DIAPH3: variants seen among roughly 807,000 people sequenced by gnomAD.
DIAPH3 encodes the protein diaphanous related formin 3, also known as protein diaphanous homolog 3.
DIAPH3 carries 117 observed loss-of-function variants against 144.3 expected under a neutral mutation model. The observed-to-expected ratio is 0.81, with a 90% CI of 0.70 to 0.95. The LOEUF (loss-of-function observed/expected upper bound fraction) is 0.95, where lower values mean the gene tolerates loss of function less well. Ranked by LOEUF, DIAPH3 falls within the 40% of genes least tolerant of loss-of-function variation. The pLI is 0.00. For missense variants in DIAPH3, 1,421 were observed against 1,412.7 expected, an observed-to-expected ratio of 1.01 and a Z score of -0.09; for synonymous variants, 519 against 488.9, an observed-to-expected ratio of 1.06 and a Z score of -0.81.
rs1162308071 is a variant in DIAPH3 at position 60,052,735 on chromosome 13, C to A, written c.496-9915G>T. Among the ~76,000 whole-genome samples the A allele has an allele frequency of 3.3e-5, 5 of 151,556 alleles. No individual in the cohort carries two copies. In the East Asian group the frequency reaches 5.8e-4, roughly 18 times the overall value. ...AAAATAAGAAAAGAGCAAAGGCGGG[C>A]GGATCACCTGAGGTCAGGAGTTCAA... is the stretch of plus-strand genomic sequence containing the variant. On this transcript the variant is annotated intron_variant, in intron 4 of 27. Coordinates refer to ENST00000400324, the MANE Select transcript of DIAPH3 (RefSeq NM_001042517.2).
chr13:60,095,824 C>CT (rs1223196480), intron 3 of DIAPH3, among the ~76,000 whole-genome samples: 1 of 152,052 alleles, frequency 6.6e-6, no homozygotes, highest in Non-Finnish European at 1.5e-5. Flanking sequence ...TTACACTCTG[C>CT]TTTTTTTAAG....
intron 27 of DIAPH3, among the ~76,000 whole-genome samples, chr13:59,718,363 A>G (rs898933719): frequency 3.9e-5 from 6 of 152,234 alleles, no homozygotes; most frequent in Non-Finnish European, 7.3e-5. Flanking sequence ...TAGCTCAGAA[A>G]GAAAATCAGA....
chr13:59,861,683 A>T (rs1202854432), intron 21 of DIAPH3, 147 bp from the exon 22 acceptor site: 1 of 909,064 alleles, frequency 1.1e-6, no homozygotes, highest in East Asian at 2.7e-5. Flanking sequence ...AAATATTTAA[A>T]TACTCGAAAA....
At chr13:59,681,204 A>G (rs1334124747) in intron 27 of DIAPH3, among the ~76,000 whole-genome samples, 2 of 152,206 alleles carry the variant, frequency 1.3e-5, no homozygotes, top group Admixed American at 1.3e-4. Context: ...TCAGTGGCTC[A>G]TGCCTGTAAT....
intron 1 of DIAPH3, among the ~76,000 whole-genome samples, chr13:60,137,246 C>CG (rs1177581302): frequency 2.6e-5 from 4 of 152,002 alleles, no homozygotes; most frequent in South Asian, 2.1e-4. Flanking sequence ...ACATAGGAGT[C>CG]GGGGGGAAAA....
In DIAPH3 at chr13:59,708,636, T is replaced by C. The variant is rs149872746; in HGVS notation, c.3320-41790A>G. ...TCCGCCCTTCCTCCTGAGCCCCAAA[T>C]GTCCGTATGTTCCAGGGCTGTCCTT... On this transcript the variant is annotated intron_variant, in intron 27 of 27. Coordinates refer to ENST00000400324, the MANE Select transcript of DIAPH3 (RefSeq NM_001042517.2). Among the ~76,000 whole-genome samples, 166 of 152,288 alleles carry C rather than the reference T, an allele frequency of 1.1e-3. 1 individual carries two copies. Among genetic ancestry groups the C allele is most frequent in the African/African-American group, 3.8e-3 (160 of 41,574 alleles).
At chr13:60,008,351 G>A (rs1283795253) in intron 9 of DIAPH3, among the ~76,000 whole-genome samples, 193 bp downstream of exon 9, 1 of 152,092 alleles carries the variant, frequency 6.6e-6, no homozygotes, top group South Asian at 2.1e-4. Context: ...AGCTGAGAAC[G>A]CGCCACTGCA....
intron 23 of DIAPH3, among the ~76,000 whole-genome samples, chr13:59,833,678 T>C (rs150070875): frequency 7.2e-5 from 11 of 151,846 alleles, no homozygotes; most frequent in Non-Finnish European, 1.5e-4. Context: ...TTGGACATCT[T>C]GGGATCAATT....
At chr13:59,910,886 A>G (rs544210854) in intron 20 of DIAPH3, among the ~76,000 whole-genome samples, 82 of 151,366 alleles carry the variant, frequency 5.4e-4, no homozygotes, top group Non-Finnish European at 1.0e-3. Context: ...AAGAGATAGG[A>G]AGGAATGTAA....
chr13:60,089,774 T>C (rs2057871205), intron 4 of DIAPH3, among the ~76,000 whole-genome samples: 1 of 152,224 alleles, frequency 6.6e-6, no homozygotes, highest in Non-Finnish European at 1.5e-5. Flanking sequence ...CACAGCGCCT[T>C]GTAGTACCTC....
At chr13:59,979,958 C>T (rs1167096769) in intron 14 of DIAPH3, among the ~76,000 whole-genome samples, 1 of 151,574 alleles carries the variant, frequency 6.6e-6, no homozygotes, top group Non-Finnish European at 1.5e-5. Context: ...TAGGTACTTG[C>T]TAAGCCAGAG....
chr13:59,768,679 T>G (rs938199030), intron 27 of DIAPH3, among the ~76,000 whole-genome samples: 2 of 152,100 alleles, frequency 1.3e-5, no homozygotes, highest in African/African-American at 4.8e-5. Context: ...CAAAGATATC[T>G]AACCAGCTTC....
At chr13:59,695,232 T>C (rs2033736275) in intron 27 of DIAPH3, 1 of 152,230 alleles carries the variant, frequency 6.6e-6, no homozygotes, top group African/African-American at 2.4e-5. Flanking sequence ...CTAATATTCC[T>C]GGTTGTAGCT....
chr13:59,730,171 C>A (rs1278927312), intron 27 of DIAPH3, among the ~76,000 whole-genome samples: 1 of 152,114 alleles, frequency 6.6e-6, no homozygotes, highest in Non-Finnish European at 1.5e-5. Context: ...AATAGCAAAA[C>A]TAGTCTTAGA....
At chr13:60,150,134 A>C (rs886995800) in intron 1 of DIAPH3, among the ~76,000 whole-genome samples, 4 of 152,052 alleles carry the variant, frequency 2.6e-5, no homozygotes, top group African/African-American at 9.7e-5. Context: ...CAATCCTCCC[A>C]CCTCAGCCTT....
At chr13:60,148,672 T>G (rs1951644467) in intron 1 of DIAPH3, among the ~76,000 whole-genome samples, 1 of 152,154 alleles carries the variant, frequency 6.6e-6, no homozygotes, top group African/African-American at 2.4e-5. Flanking sequence ...GACCATGGTT[T>G]CAAGGGGGGC....
intron 20 of DIAPH3, among the ~76,000 whole-genome samples, chr13:59,897,285 G>A (rs2046161768): frequency 6.6e-6 from 1 of 152,222 alleles, no homozygotes; most frequent in Non-Finnish European, 1.5e-5. Context: ...CACACAAAAT[G>A]AGAAATGAAA....
intron 27 of DIAPH3, among the ~76,000 whole-genome samples, chr13:59,726,312 A>G (rs932040394): frequency 2.6e-5 from 4 of 152,200 alleles, no homozygotes; most frequent in African/African-American, 9.6e-5. Context: ...TGCACATACA[A>G]TAAAACAAGG....
intron 10 of DIAPH3, 25 bp from the exon 11 acceptor site, chr13:59,992,211 GATGA>G: frequency 1.3e-6 from 2 of 1,546,966 alleles, no homozygotes. Context: ...TAGAAATTAT[GATGA>G]ATGATTTTGT....
Sources: gnomAD v4.1 joint callset for allele counts (sites outside exome capture counted in the v4.1 genomes callset) on GRCh38, gnomAD v4.1.1 for gene constraint, MANE v1.5 for transcripts, NCBI Gene and HGNC (gene_info 2026-07-23, HGNC 2026-07-21) for gene names.